MYCBP2: variants seen among roughly 807,000 people sequenced by gnomAD.
MYCBP2 encodes MYC binding protein 2, also known as E3 ubiquitin-protein ligase MYCBP2.
A neutral mutation model predicts 525.3 loss-of-function variants in MYCBP2; 120 were observed. The observed-to-expected ratio is 0.23, with a 90% CI of 0.20 to 0.27. The LOEUF (loss-of-function observed/expected upper bound fraction) is 0.27, where lower values mean the gene tolerates loss of function less well. Among genes scored for constraint, MYCBP2 ranks in the 10% least tolerant of loss-of-function variants. The pLI, the probability that MYCBP2 is intolerant of heterozygous loss-of-function variation, is 1.00. For missense variants in MYCBP2, 4,149 were observed against 5,657.1 expected (o/e 0.73, Z 8.55); for synonymous variants, 1,894 against 1,955.8 (o/e 0.97, Z 0.83).
Position 77,146,231 on chromosome 13 carries a change from AC to A in MYCBP2, c.7132-15del. 2 of 1,549,440 alleles carry A rather than the reference AC, an allele frequency of 1.3e-6. No individual in the cohort carries two copies. Among genetic ancestry groups the A allele is most frequent in the Non-Finnish European group, 1.8e-6 (2 of 1,141,370 alleles). ...ATTTTCATAAACCTTTAAGAAAGAG[AC>A]CAGTCTGAACAATCGTAAAATCATT... is the stretch of plus-strand genomic sequence containing the variant. On this transcript the variant is annotated splice_polypyrimidine_tract_variant and intron_variant, in intron 47 of 82. Coordinates refer to ENST00000544440, the MANE Select transcript of MYCBP2 (RefSeq NM_015057.5).
chr13:77,216,411 T>C (rs779589494), intron 21 of MYCBP2, among the ~76,000 whole-genome samples: 1 of 152,160 alleles, frequency 6.6e-6, no homozygotes, highest in Admixed American at 6.5e-5. Context: ...GGGGGAAATT[T>C]TGATGAGAAG....
chr13:77,076,505 A>G (rs1200109335), intron 68 of MYCBP2, among the ~76,000 whole-genome samples: 3 of 152,202 alleles, frequency 2.0e-5, no homozygotes, highest in African/African-American at 4.8e-5. Context: ...TATAGCACAG[A>G]AATGATTACA....
At chr13:77,113,536 A>C (rs1231767263) in intron 55 of MYCBP2, among the ~76,000 whole-genome samples, 1 of 152,172 alleles carries the variant, frequency 6.6e-6, no homozygotes, top group Non-Finnish European at 1.5e-5. Flanking sequence ...GAAGGGTGAA[A>C]TAAACACAGT....
chr13:77,315,492 C>A (rs2080821731), intron 1 of MYCBP2, among the ~76,000 whole-genome samples: 1 of 152,142 alleles, frequency 6.6e-6, no homozygotes. Context: ...ATTTAACATT[C>A]AAAAATTAAT....
chr13:77,222,841 A>C (rs1043621224), intron 20 of MYCBP2, among the ~76,000 whole-genome samples: 5 of 152,190 alleles, frequency 3.3e-5, no homozygotes, highest in Admixed American at 3.3e-4. Flanking sequence ...ACAACCTTGA[A>C]TTTTATTTAA....
rs755289764 is a variant in MYCBP2 at position 77,251,140 on chromosome 13, T to C, written c.2381+11A>G. 20 of 1,612,576 alleles carry C rather than the reference T, an allele frequency of 1.2e-5. 1 individual carries two copies. Among genetic ancestry groups the C allele is most frequent in the East Asian group, 4.5e-5 (2 of 44,890 alleles). Reference sequence around the variant, plus strand: ...TGCACATGTTCTTTAGTAGGAATCATTGTCTCTTACCCTCCGGGGACTCTG... The same window carrying C: ...TGCACATGTTCTTTAGTAGGAATCACTGTCTCTTACCCTCCGGGGACTCTG... On this transcript the variant is annotated intron_variant, in intron 15 of 82. Coordinates refer to ENST00000544440, the MANE Select transcript of MYCBP2 (RefSeq NM_015057.5).
At chr13:77,300,839 A>G (rs181709290) in intron 1 of MYCBP2, among the ~76,000 whole-genome samples, 6 of 152,340 alleles carry the variant, frequency 3.9e-5, no homozygotes, top group African/African-American at 1.4e-4. Flanking sequence ...AATGAGGACT[A>G]AAAGAACAAA....
intron 30 of MYCBP2, among the ~76,000 whole-genome samples, chr13:77,188,706 T>C (rs2060999911): frequency 6.6e-6 from 1 of 152,344 alleles, no homozygotes; most frequent in Non-Finnish European, 1.5e-5. Context: ...AGCAAATCGT[T>C]ATTTGTTTCA....
chr13:77,206,580 T>A (rs76355063), intron 24 of MYCBP2, 73 bp downstream of exon 24: 51,925 of 1,283,216 alleles, frequency 0.04, 1,162 homozygotes, highest in East Asian at 0.066. Context: ...CATATAAATT[T>A]AAATACTCTA....
rs1165142469 is a variant in MYCBP2, at chr13:77,206,730, A to ATAC, written c.3509_3511dup (p.Ser1170dup). The ATAC allele has an allele frequency of 3.1e-6, 5 of 1,613,040 alleles. No homozygotes were observed. Among genetic ancestry groups the ATAC allele is most frequent in the Non-Finnish European group, 4.2e-6 (5 of 1,179,422 alleles). ...TGGTAAGGCAAGTTCAGGACTTAGG[A>ATAC]TACTACATCTGGACTGCATGTCTGC... is the stretch of plus-strand genomic sequence containing the variant. On this transcript the variant is annotated inframe_insertion, in exon 24 of 83. Coordinates refer to ENST00000544440, the MANE Select transcript of MYCBP2 (RefSeq NM_015057.5).
At chr13:77,209,694 C>T (rs1203374349) in intron 23 of MYCBP2, among the ~76,000 whole-genome samples, 2 of 152,208 alleles carry the variant, frequency 1.3e-5, no homozygotes, top group Non-Finnish European at 2.9e-5. Context: ...CTGCACAATG[C>T]TGCCAGGGAG....
At chr13:77,071,269 A>ACG (rs1172668839) in intron 68 of MYCBP2, among the ~76,000 whole-genome samples, 42 of 122,910 alleles carry the variant, frequency 3.4e-4, no homozygotes, top group Admixed American at 1.2e-3. Flanking sequence ...GTGTGTGCAC[A>ACG]CGCACACACA....
chr13:77,261,761 C>T (rs548165935), intron 11 of MYCBP2, among the ~76,000 whole-genome samples: 6 of 151,936 alleles, frequency 3.9e-5, no homozygotes, highest in South Asian at 4.2e-4. Flanking sequence ...TGAGCACAGG[C>T]GGTTAGAAAA....
intron 32 of MYCBP2, among the ~76,000 whole-genome samples, chr13:77,183,135 C>T (rs1170090160): frequency 1.3e-5 from 2 of 151,982 alleles, no homozygotes; most frequent in Admixed American, 6.6e-5. Flanking sequence ...TTTACATGTT[C>T]AATTTGGTTT....
chr13:77,140,030 G>T lies in MYCBP2; in HGVS notation c.7518+17C>A. ...TTCTGTCCAAAATTTACTACCAAAA[G>T]CTCCTTTATCAATTACCTCATCAAT... On this transcript the variant is annotated intron_variant, in intron 51 of 82. Coordinates refer to ENST00000544440, the MANE Select transcript of MYCBP2 (RefSeq NM_015057.5). 4.6e-6 allele frequency: 7 copies of T among 1,536,792 alleles called. No individual in the cohort carries two copies. Among genetic ancestry groups the T allele is most frequent in the Non-Finnish European group, 5.3e-6 (6 of 1,125,948 alleles).
intron 20 of MYCBP2, among the ~76,000 whole-genome samples, chr13:77,223,378 T>A (rs2065856021): frequency 6.6e-6 from 1 of 152,182 alleles, no homozygotes; most frequent in African/African-American, 2.4e-5. Context: ...TCTCCTTTCA[T>A]AGGGTCAAAA....
At chr13:77,303,115 A>G (rs970015578) in intron 1 of MYCBP2, among the ~76,000 whole-genome samples, 1 of 152,186 alleles carries the variant, frequency 6.6e-6, no homozygotes, top group Non-Finnish European at 1.5e-5. Flanking sequence ...CAGGTGGATC[A>G]TGAGGTCAGG....
At chr13:77,219,029 A>C (rs1400268119) in intron 20 of MYCBP2, among the ~76,000 whole-genome samples, 3 of 152,086 alleles carry the variant, frequency 2.0e-5, no homozygotes, top group Non-Finnish European at 2.9e-5. Flanking sequence ...TTTTTTGCTT[A>C]AGCAACAGAG....
chr13:77,294,115 T>TATATATATATATATATATATATATAA, intron 2 of MYCBP2, among the ~76,000 whole-genome samples: 1 of 53,798 alleles, frequency 1.9e-5, no homozygotes, highest in Non-Finnish European at 4.7e-5. Flanking sequence ...TATATATATA[T>TATATATATATATATATATATATATAA]ATATATATAT....
Sources: gnomAD v4.1 joint callset for allele counts (sites outside exome capture counted in the v4.1 genomes callset) on GRCh38, gnomAD v4.1.1 for gene constraint, MANE v1.5 for transcripts, NCBI Gene and HGNC (gene_info 2026-07-23, HGNC 2026-07-21) for gene names.